Variants in SEPTIN9 observed in about 807,000 individuals in gnomAD.
The protein encoded by SEPTIN9 is septin 9, also known as septin-9.
A neutral mutation model predicts 56.6 loss-of-function variants in SEPTIN9; 13 were observed. That is an observed-to-expected ratio of 0.23 (90% CI 0.15 to 0.37). The LOEUF (loss-of-function observed/expected upper bound fraction) is 0.37, where lower values mean the gene tolerates loss of function less well. Ranked by LOEUF, SEPTIN9 falls within the 10% of genes least tolerant of loss-of-function variation. The pLI is 1.00. For missense variants in SEPTIN9, 650 were observed against 823.1 expected, an observed-to-expected ratio of 0.79 and a Z score of 2.57; for synonymous variants, 332 against 334.1, an observed-to-expected ratio of 0.99 and a Z score of 0.07.
chr17:77,389,542 G>A lies in SEPTIN9; in HGVS notation c.77-12517G>A, dbSNP rs373321614. Among the ~76,000 whole-genome samples, 290 of 152,234 alleles carry A rather than the reference G, an allele frequency of 1.9e-3. 2 individuals carry two copies. In the South Asian group the frequency reaches 0.023, roughly 12 times the overall value. On this transcript the variant is annotated intron_variant, in intron 2 of 11. Coordinates refer to ENST00000427177, the MANE Select transcript of SEPTIN9 (RefSeq NM_001113491.2). The surrounding 1 kb of genome is among the most constrained non-coding windows in gnomAD (Gnocchi z 4.3). ...GAAGTCAATCACCTCCCAGGGCCTC[G>A]CTCCTGCCTTCAGCGACAGCCATTT...
intron 2 of SEPTIN9, among the ~76,000 whole-genome samples, chr17:77,312,768 C>T (rs984818557): frequency 6.6e-6 from 1 of 151,976 alleles, no homozygotes; most frequent in African/African-American, 2.4e-5. Context: ...AAATTGATGG[C>T]GAATGCAATG....
intron 4 of SEPTIN9, among the ~76,000 whole-genome samples, chr17:77,486,535 CGCGT>C (rs1555679146): frequency 1.3e-4 from 16 of 120,398 alleles, no homozygotes; most frequent in African/African-American, 1.9e-4. Context: ...CGCACGCGCG[CGCGT>C]GTTATATGTG....
At chr17:77,288,057 T>G (rs1215321241) in intron 1 of SEPTIN9, 6 of 1,062,834 alleles carry the variant, frequency 5.6e-6, no homozygotes, top group Non-Finnish European at 5.7e-6. Flanking sequence ...CCAGAAGTGC[T>G]GGGTTAGGGG....
rs766680959 is a variant in SEPTIN9, at chr17:77,421,185, C to G, written c.721+18482C>G. ...GGAGCCCGAGACCTTCCAGCTCTTT[C>G]CTGTGTAAGGCGCCATGGGGTGAAA... On this transcript the variant is annotated intron_variant, in intron 3 of 11. Transcript: ENST00000427177. This position sits in a 1 kb window ranked among gnomAD's most constrained non-coding sequence, Gnocchi z 4.6. Among the ~76,000 whole-genome samples, 3 of 152,206 alleles carry G rather than the reference C, an allele frequency of 2.0e-5. No individual in the cohort carries two copies. The highest frequency in any genetic ancestry group is 4.4e-5 in the Non-Finnish European group (3 of 68,044).
At chr17:77,427,568 C>T (rs1400017231) in intron 3 of SEPTIN9, among the ~76,000 whole-genome samples, 2 of 152,220 alleles carry the variant, frequency 1.3e-5, no homozygotes, top group Admixed American at 6.5e-5. Flanking sequence ...GCACAGCTGC[C>T]TCATACACTG....
chr17:77,466,608 G>A lies in SEPTIN9; in HGVS notation c.722-15536G>A, dbSNP rs1812491793. ...GTCCTCGGGAGGAGGAGAAAGAAGA[G>A]AAGCAGGAGGTGTGGAGGGTAGGCC... On this transcript the variant is annotated intron_variant, in intron 3 of 11. Transcript: ENST00000427177. 4.1e-6 allele frequency: 4 copies of A among 985,322 alleles called. No individual in the cohort carries two copies. In the South Asian group the frequency reaches 1.9e-4, roughly 46 times the overall value. 61.0% of individuals were successfully genotyped at this position (985,322 alleles called of 1,614,324 possible).
chr17:77,490,893 T>C (rs1401024921), intron 8 of SEPTIN9, 34 bp downstream of exon 8: 1 of 1,504,446 alleles, frequency 6.6e-7, no homozygotes, highest in Admixed American at 2.0e-5. Context: ...CCAGCCCTTC[T>C]GTGCAACCTG....
Position 77,319,716 on chromosome 17 carries a change from G to T in SEPTIN9, c.76+12519G>T. On this transcript the variant is annotated intron_variant, in intron 2 of 11. Coordinates refer to ENST00000427177, the MANE Select transcript of SEPTIN9 (RefSeq NM_001113491.2). The surrounding 1 kb of genome is among the most constrained non-coding windows in gnomAD (Gnocchi z 5.3). ...GGCGAGGCAGGCACGCAGGAACTGGGCTTTTTAAACCCTTAAGCCCAAGGA... is the reference window on the plus strand; with the variant it reads ...GGCGAGGCAGGCACGCAGGAACTGGTCTTTTTAAACCCTTAAGCCCAAGGA... 9.4e-7 allele frequency: 1 copy of T among 1,067,500 alleles called. No individual in the cohort carries two copies. The highest frequency in any genetic ancestry group is 5.0e-5 in the East Asian group (1 of 20,014). The allele number at this position is 1,067,500 out of a possible 1,614,324, so 66.1% of individuals were successfully genotyped here.
chr17:77,471,970 C>G (rs951855196), intron 3 of SEPTIN9, among the ~76,000 whole-genome samples: 1 of 151,656 alleles, frequency 6.6e-6, no homozygotes, highest in Admixed American at 6.6e-5. Context: ...ATAGCCCCCC[C>G]CACCACACAC....
intron 3 of SEPTIN9, among the ~76,000 whole-genome samples, chr17:77,439,957 C>G (rs890810157): frequency 1.3e-5 from 2 of 152,146 alleles, no homozygotes; most frequent in African/African-American, 2.4e-5. Context: ...CTCCTTGGCT[C>G]TAAGATCTGA....
In SEPTIN9 at chr17:77,433,666, C is replaced by T. The variant is rs546542846; in HGVS notation, c.721+30963C>T. Among the ~76,000 whole-genome samples, 6 of 152,256 alleles carry T rather than the reference C, an allele frequency of 3.9e-5. No individual in the cohort carries two copies. Among genetic ancestry groups the T allele is most frequent in the Admixed American group, 1.3e-4 (2 of 15,296 alleles). On this transcript the variant is annotated intron_variant, in intron 3 of 11. Coordinates refer to ENST00000427177, the MANE Select transcript of SEPTIN9 (RefSeq NM_001113491.2). This position sits in a 1 kb window ranked among gnomAD's most constrained non-coding sequence, Gnocchi z 6.4. ...TGACCTGTGGCTGGATCTAGCTGCC[C>T]GTGGACAGGCTGTGAGTGAATCTGC...
intron 1 of SEPTIN9, among the ~76,000 whole-genome samples, chr17:77,301,209 A>G (rs1335611286): frequency 6.6e-6 from 1 of 151,992 alleles, no homozygotes; most frequent in East Asian, 1.9e-4. Context: ...GGCTATCTCA[A>G]GAGCTTTTTA....
intron 2 of SEPTIN9, among the ~76,000 whole-genome samples, chr17:77,348,347 G>A (rs2033954418): frequency 7.5e-6 from 1 of 132,916 alleles, no homozygotes; most frequent in South Asian, 2.5e-4. Context: ...TGCCCAGGCT[G>A]GAGTGCAATA....
chr17:77,477,317 C>T (rs1001134833), intron 3 of SEPTIN9, among the ~76,000 whole-genome samples: 3 of 152,188 alleles, frequency 2.0e-5, no homozygotes, highest in Non-Finnish European at 2.9e-5. Context: ...ACTCCCCCTC[C>T]CCCAGCCCCT....
At chr17:77,351,442 A>C (rs1018480966) in intron 2 of SEPTIN9, among the ~76,000 whole-genome samples, 2 of 152,194 alleles carry the variant, frequency 1.3e-5, no homozygotes, top group Non-Finnish European at 2.9e-5. Flanking sequence ...AATTTTGCCT[A>C]TGGCACTGGG....
At chr17:77,418,280 CGGA>C (rs2036573482) in intron 3 of SEPTIN9, among the ~76,000 whole-genome samples, 3 of 152,158 alleles carry the variant, frequency 2.0e-5, no homozygotes, top group African/African-American at 7.2e-5. Context: ...CTCAGATGGC[CGGA>C]AAGGCAGCCC....
At chr17:77,292,420 G>C (rs1307335871) in intron 1 of SEPTIN9, among the ~76,000 whole-genome samples, 1 of 152,074 alleles carries the variant, frequency 6.6e-6, no homozygotes, top group Non-Finnish European at 1.5e-5. Context: ...ATCCAAGGCT[G>C]GCGTAGCCTT....
intron 1 of SEPTIN9, among the ~76,000 whole-genome samples, chr17:77,300,469 A>G (rs1276137107): frequency 6.6e-6 from 1 of 152,186 alleles, no homozygotes; most frequent in African/African-American, 2.4e-5. Flanking sequence ...ACACAACTCC[A>G]GGTAGCAGAG....
intron 2 of SEPTIN9, among the ~76,000 whole-genome samples, chr17:77,394,201 A>G (rs1166312219): frequency 6.6e-6 from 1 of 152,116 alleles, no homozygotes; most frequent in Non-Finnish European, 1.5e-5. Flanking sequence ...CCCACCCTAC[A>G]CAGATCAGGG....
Sources: allele counts gnomAD v4.1 joint callset (sites outside exome capture counted in the v4.1 genomes callset), GRCh38; gene constraint gnomAD v4.1.1; non-coding constraint Gnocchi (gnomAD v3.1); transcripts MANE v1.5; gene names NCBI Gene and HGNC (gene_info 2026-07-23, HGNC 2026-07-21).